Variants in GABRQ observed in about 807,000 individuals in gnomAD.
The protein encoded by GABRQ is gamma-aminobutyric acid type A receptor subunit theta, also known as gamma-aminobutyric acid receptor subunit theta.
In GABRQ, 19 loss-of-function variants were observed where a neutral mutation model predicts 30.5. The ratio of observed to expected loss-of-function variants is 0.62; its 90% CI spans 0.43 to 0.91. The LOEUF (loss-of-function observed/expected upper bound fraction) is 0.91, where lower values mean the gene tolerates loss of function less well. Among genes scored for constraint, GABRQ ranks in the 40% least tolerant of loss-of-function variants. The pLI is 0.00. For synonymous variants in GABRQ, 187 were observed against 210.2 expected, an observed-to-expected ratio of 0.89 and a Z score of 0.95; for missense variants, 520 against 521.4, an observed-to-expected ratio of 1.00 and a Z score of 0.03.
chrX:152,652,512 T>C (rs1174707100), intron 8 of GABRQ, 29 bp from the exon 9 acceptor site: 1 of 1,165,311 alleles, frequency 8.6e-7, no homozygotes, highest in Non-Finnish European at 1.2e-6. Flanking sequence ...GATATGAAAC[T>C]GATGAGCCTA....
rs1931025977 is a variant in GABRQ, at chrX:152,651,699, C to T, written c.1075C>T (p.Arg359Trp). ...CTATCTTTTCTACAGTCGAGGACCT[C>T]GGCGCCAGCCTAGGCGACACAGGAG... ...INYLFYSRGP[R>W]RQPRRHRRPR... The change falls in exon 8 of 9, where the codon CGG (arginine) becomes TGG (tryptophan). Residue 359 changes from arginine to tryptophan, a missense_variant. Coordinates refer to ENST00000598523, the MANE Select transcript of GABRQ (RefSeq NM_018558.4). 3.3e-6 allele frequency: 4 copies of T among 1,208,064 alleles called. No individual in the cohort carries two copies. Among genetic ancestry groups the T allele is most frequent in the South Asian group, 1.8e-5 (1 of 56,882 alleles).
At chrX:152,648,508 G>A (rs781895077) in intron 4 of GABRQ, among the ~76,000 whole-genome samples, 2 of 109,635 alleles carry the variant, frequency 1.8e-5, no homozygotes, top group Middle Eastern at 4.2e-3. Context: ...GGGAATACAG[G>A]TGAGTGCCGC....
rs1556820027 is a variant in GABRQ at position 152,650,593 on chromosome X, T to A, written c.901+13T>A. On this transcript the variant is annotated intron_variant, in intron 7 of 8. Coordinates refer to ENST00000598523, the MANE Select transcript of GABRQ (RefSeq NM_018558.4). ...AGGGTGACAATTGGTAGGTTCTGTCTCTGTCCCAGGAAAGAATTTGGGTCA... is the reference window on the plus strand; with the variant it reads ...AGGGTGACAATTGGTAGGTTCTGTCACTGTCCCAGGAAAGAATTTGGGTCA... 8.5e-7 allele frequency: 1 copy of A among 1,182,269 alleles called. No homozygotes were observed. Among genetic ancestry groups the A allele is most frequent in the South Asian group, 1.9e-5 (1 of 53,016 alleles).
chrX:152,643,970 T>C (rs1277439541), intron 2 of GABRQ, among the ~76,000 whole-genome samples: 1 of 111,468 alleles, frequency 9.0e-6, no homozygotes, highest in African/African-American at 3.3e-5. Context: ...CACATGCACA[T>C]TCACTCACAC....
At position 152,645,697 on chromosome X, in the gene GABRQ, C is replaced by T; in HGVS notation, c.306+103C>T. ...TTGTTCTGACCTGTGACAGAACTCA[C>T]ATAAAGGAACAAGGTAGGTTTGGGA... On this transcript the variant is annotated intron_variant, in intron 3 of 8. Transcript: ENST00000598523. 5.6e-6 allele frequency: 3 copies of T among 531,570 alleles called. No homozygotes were observed. The East Asian group carries it at 1.1e-4, about 19-fold the overall frequency. The allele number at this position is 531,570 out of a possible 1,213,427, so 43.8% of individuals were successfully genotyped here.
chrX:152,650,037 C>A (rs1358886504), intron 6 of GABRQ, among the ~76,000 whole-genome samples, 158 bp downstream of exon 6: 2 of 111,399 alleles, frequency 1.8e-5, no homozygotes, highest in African/African-American at 3.3e-5. Context: ...ACTCATCCAC[C>A]GCCAATGAGG....
At chrX:152,649,689 G>T in intron 5 of GABRQ, 53 bp from the exon 6 acceptor site, 4 of 1,048,253 alleles carry the variant, frequency 3.8e-6, no homozygotes, top group African/African-American at 3.7e-5. Flanking sequence ...TCTTTTTTGT[G>T]CTTTTCTTTC....
intron 8 of GABRQ, among the ~76,000 whole-genome samples, chrX:152,652,185 C>T (rs1274182155): frequency 8.9e-6 from 1 of 112,963 alleles, no homozygotes; most frequent in Non-Finnish European, 1.9e-5. Flanking sequence ...AATGCTGAGG[C>T]TTTTGCTGTG....
chrX:152,655,271 T>A lies in GABRQ; in HGVS notation c.*1990T>A, dbSNP rs1240771160. ...GCTTAACTGACTGTTTCTTTCCAAC[T>A]TCCTGTTCCAGGGAGCAGCATCTCC... On this transcript the variant is annotated 3_prime_UTR_variant, in exon 9 of 9. Transcript: ENST00000598523. 8.9e-6 allele frequency: 1 copy of A among 112,160 alleles called. No homozygotes were observed. Among genetic ancestry groups the A allele is most frequent in the Non-Finnish European group, 1.9e-5 (1 of 53,239 alleles). The allele number at this position is 112,160 out of a possible 1,213,427, so 9.2% of individuals were successfully genotyped here.
chrX:152,649,863 G>A lies in GABRQ; in HGVS notation c.732G>A (p.Glu244=). The A allele has an allele frequency of 8.3e-7, 1 of 1,202,055 alleles. No homozygotes were observed. Among genetic ancestry groups the A allele is most frequent in the Non-Finnish European group, 1.1e-6 (1 of 887,611 alleles). The change falls in exon 6 of 9, where the codon GAG becomes GAA. Residue 244 remains glutamate, a synonymous_variant. Coordinates refer to ENST00000598523, the MANE Select transcript of GABRQ (RefSeq NM_018558.4). ...TGGGAAGGACGATTACTAGCAAGGA[G>A]GTGTATTTCTACACAGGTGGGTCTG... ...TFLGRTITSK[E]VYFYTGSYIR...
At chrX:152,658,006 T>C (rs1931181779), downstream of GABRQ, among the ~76,000 whole-genome samples, 1 of 112,266 alleles carries the variant, frequency 8.9e-6, no homozygotes, top group Non-Finnish European at 1.9e-5. Flanking sequence ...TCCAAGGTAG[T>C]GTTCTCAAAG....
chrX:152,658,329 G>C (rs1355503514), downstream of GABRQ, among the ~76,000 whole-genome samples: 1 of 111,815 alleles, frequency 8.9e-6, no homozygotes, highest in Non-Finnish European at 1.9e-5. Flanking sequence ...TCTCTTTCAA[G>C]ACCACCCCCA....
At chrX:152,646,542 G>T (rs995686596) in intron 3 of GABRQ, among the ~76,000 whole-genome samples, 1 of 112,085 alleles carries the variant, frequency 8.9e-6, no homozygotes, top group Non-Finnish European at 1.9e-5. Flanking sequence ...AATACATACA[G>T]TATTATTTCA....
At chrX:152,652,466 C>G in intron 8 of GABRQ, 75 bp from the exon 9 acceptor site, 1 of 878,420 alleles carries the variant, frequency 1.1e-6, no homozygotes, top group Non-Finnish European at 1.6e-6. Flanking sequence ...GAAGTCCCTT[C>G]CCTCCTCCCT....
chrX:152,654,420 G>C lies in GABRQ; in HGVS notation c.*1139G>C, dbSNP rs1393199391. Reference sequence around the variant, plus strand: ...CAGTGTTCCAAGGAAAACGAATGGAGCTTATGCCGCATGCTTGAGGACATG... The same window carrying C: ...CAGTGTTCCAAGGAAAACGAATGGACCTTATGCCGCATGCTTGAGGACATG... On this transcript the variant is annotated 3_prime_UTR_variant, in exon 9 of 9. Transcript: ENST00000598523. 1.8e-5 allele frequency: 2 copies of C among 112,042 alleles called. No individual in the cohort carries two copies. Among genetic ancestry groups the C allele is most frequent in the Non-Finnish European group, 3.8e-5 (2 of 53,220 alleles). The allele number at this position is 112,042 out of a possible 1,213,427, so 9.2% of individuals were successfully genotyped here.
chrX:152,644,446 A>G (rs1930837753), intron 2 of GABRQ, among the ~76,000 whole-genome samples: 1 of 112,713 alleles, frequency 8.9e-6, no homozygotes, highest in Non-Finnish European at 1.9e-5. Flanking sequence ...ACATGCTTAC[A>G]CACATACTCT....
chrX:152,658,769 TG>T (rs1339027054), downstream of GABRQ, among the ~76,000 whole-genome samples: 2 of 112,254 alleles, frequency 1.8e-5, no homozygotes, highest in Non-Finnish European at 3.8e-5. Context: ...TTGCTACTGT[TG>T]GTCTGCCTCT....
At chrX:152,645,620 G>A in intron 3 of GABRQ, 26 bp downstream of exon 3, 2 of 904,376 alleles carry the variant, frequency 2.2e-6, no homozygotes, top group African/African-American at 1.9e-5. Flanking sequence ...CCAGCCATGG[G>A]GTTGGGAACA....
intron 1 of GABRQ, among the ~76,000 whole-genome samples, chrX:152,638,838 G>C (rs782705559): frequency 9.0e-6 from 1 of 111,305 alleles, no homozygotes; most frequent in Non-Finnish European, 1.9e-5. Flanking sequence ...CATGTGTTGA[G>C]GGGATGAGGG....
Sources: allele counts gnomAD v4.1 joint callset (sites outside exome capture counted in the v4.1 genomes callset), GRCh38; gene constraint gnomAD v4.1.1; transcripts MANE v1.5; gene names NCBI Gene and HGNC (gene_info 2026-07-23, HGNC 2026-07-21).